Variants in FBXW8 observed in about 807,000 individuals in gnomAD.
The protein encoded by FBXW8 is F-box/WD repeat-containing protein 8.
Under a neutral mutation model 65.3 loss-of-function variants are expected in FBXW8, and 57 were observed. The ratio of observed to expected loss-of-function variants is 0.87; its 90% CI spans 0.71 to 1.09. The LOEUF (loss-of-function observed/expected upper bound fraction) is 1.09. Among genes scored for constraint, FBXW8 ranks in the 50% least tolerant of loss-of-function variants. The pLI is 0.00. For missense variants in FBXW8, 777 were observed against 814.8 expected (o/e 0.95, Z 0.57); for synonymous variants, 308 against 330.2 (o/e 0.93, Z 0.73).
chr12:116,958,003 A>T (rs1212912259), intron 4 of FBXW8, among the ~76,000 whole-genome samples: 1 of 152,240 alleles, frequency 6.6e-6, no homozygotes, highest in Non-Finnish European at 1.5e-5. Context: ...AATAATGGGA[A>T]GGGCCACAGC....
intron 4 of FBXW8, 140 bp from the exon 5 acceptor site, chr12:116,964,557 C>T (rs992402374): frequency 1.3e-5 from 11 of 825,944 alleles, no homozygotes; most frequent in Non-Finnish European, 5.8e-6. Flanking sequence ...GTTGGAGTCA[C>T]TCATCTAAAC....
At chr12:117,019,427 C>T (rs1381132332) in intron 8 of FBXW8, among the ~76,000 whole-genome samples, 2 of 152,164 alleles carry the variant, frequency 1.3e-5, no homozygotes, top group Non-Finnish European at 2.9e-5. Context: ...AATCGGTTGT[C>T]TTGGCATATT....
chr12:116,926,837 C>G (rs912462017), intron 1 of FBXW8, among the ~76,000 whole-genome samples: 1 of 152,132 alleles, frequency 6.6e-6, no homozygotes, highest in East Asian at 1.9e-4. Flanking sequence ...CTTTTAGCCC[C>G]GAGACTTCTA....
intron 1 of FBXW8, among the ~76,000 whole-genome samples, chr12:116,924,246 A>G (rs537241275): frequency 1.3e-3 from 201 of 152,014 alleles, no homozygotes; most frequent in Middle Eastern, 6.8e-3. Flanking sequence ...TTGGATGGCT[A>G]TGTGCTTCGC....
intron 8 of FBXW8, among the ~76,000 whole-genome samples, chr12:117,020,643 C>T (rs1405716940): frequency 6.6e-6 from 1 of 152,228 alleles, no homozygotes; most frequent in East Asian, 1.9e-4. Flanking sequence ...ACTATACTTT[C>T]ATGCTTTTGT....
chr12:116,935,305 A>C (rs1882076923), intron 2 of FBXW8, among the ~76,000 whole-genome samples: 1 of 152,216 alleles, frequency 6.6e-6, no homozygotes, highest in South Asian at 2.1e-4. Flanking sequence ...GGAAAATGTG[A>C]TTTTATGTCC....
At chr12:116,928,192 G>C (rs899531548) in intron 2 of FBXW8, 65 bp downstream of exon 2, 1 of 961,190 alleles carries the variant, frequency 1.0e-6, no homozygotes. Context: ...AGGACTCTCC[G>C]GGGTAATAGA....
chr12:117,022,953 A>G (rs1460412610), intron 8 of FBXW8, among the ~76,000 whole-genome samples: 2 of 152,214 alleles, frequency 1.3e-5, no homozygotes, highest in African/African-American at 4.8e-5. Context: ...CAGCAGACAC[A>G]CCAGGTCCCA....
At position 117,010,342 on chromosome 12, in the gene FBXW8, AAGC is replaced by A; in HGVS notation, c.1262_1264del (p.Ala421del). On this transcript the variant is annotated inframe_deletion, in exon 8 of 11. Coordinates refer to ENST00000652555, the MANE Select transcript of FBXW8 (RefSeq NM_153348.3). ...TCTCAGATCCTGGTGTATAGCCTGG[AAGC>A]AGGACGCCGCCTCTTGAAGCTGGGT... 1 of 1,614,166 alleles carries A rather than the reference AAGC, an allele frequency of 6.2e-7. No homozygotes were observed. Among genetic ancestry groups the A allele is most frequent in the Admixed American group, 1.7e-5 (1 of 60,026 alleles).
intron 9 of FBXW8, among the ~76,000 whole-genome samples, chr12:117,024,731 C>T (rs753082491): frequency 7.2e-5 from 11 of 152,156 alleles, no homozygotes; most frequent in Non-Finnish European, 1.0e-4. Context: ...CACCTGCCCA[C>T]AGGTGGAAGG....
chr12:117,022,405 G>A (rs1040946948), intron 8 of FBXW8, among the ~76,000 whole-genome samples: 4 of 150,240 alleles, frequency 2.7e-5, no homozygotes, highest in Admixed American at 6.6e-5. Context: ...CTGTAATCCC[G>A]GCACTTTAGG....
chr12:117,000,904 C>G (rs149493671), intron 7 of FBXW8, among the ~76,000 whole-genome samples: 1 of 152,212 alleles, frequency 6.6e-6, no homozygotes, highest in Non-Finnish European at 1.5e-5. Context: ...CAAAGTGGCG[C>G]AGGAATGACA....
intron 5 of FBXW8, among the ~76,000 whole-genome samples, chr12:116,969,680 C>T (rs1374240565): frequency 6.6e-6 from 1 of 151,110 alleles, no homozygotes; most frequent in Non-Finnish European, 1.5e-5. Context: ...GGCTCTGTAG[C>T]CATTGAAACG....
At chr12:117,013,886 C>G (rs1953885175) in intron 8 of FBXW8, among the ~76,000 whole-genome samples, 1 of 151,112 alleles carries the variant, frequency 6.6e-6, no homozygotes, top group African/African-American at 2.4e-5. Context: ...GAAAAGTCTG[C>G]AGGAAGTAAT....
In FBXW8 at chr12:117,028,402, T is replaced by TCC. The variant is rs989017051; in HGVS notation, c.*231_*232dup. 8 of 572,272 alleles carry TCC rather than the reference T, an allele frequency of 1.4e-5. No homozygotes were observed. Among genetic ancestry groups the TCC allele is most frequent in the African/African-American group, 1.3e-4 (7 of 53,100 alleles). 35.4% of individuals were successfully genotyped at this position (572,272 alleles called of 1,614,324 possible). A position where few individuals can be genotyped will look rare whatever the true frequency, so the allele number is the denominator to read the frequency against. On this transcript the variant is annotated 3_prime_UTR_variant, in exon 11 of 11. Transcript: ENST00000652555. This position sits in a 1 kb window ranked among gnomAD's most constrained non-coding sequence, Gnocchi z 4.1. ...ACGTGCTGCCAACTCAAACATAGCCTCCTTCCCCACCCAGCTGGCCACCCT... is the reference window on the plus strand; with the variant it reads ...ACGTGCTGCCAACTCAAACATAGCCTCCCCTTCCCCACCCAGCTGGCCACCCT...
intron 2 of FBXW8, among the ~76,000 whole-genome samples, chr12:116,934,128 C>A (rs1881979788): frequency 6.6e-6 from 1 of 152,180 alleles, no homozygotes; most frequent in Non-Finnish European, 1.5e-5. Context: ...TCCCACAAAC[C>A]ATGCCGGAGA....
At chr12:117,006,258 A>T (rs987939878) in intron 7 of FBXW8, among the ~76,000 whole-genome samples, 2 of 152,210 alleles carry the variant, frequency 1.3e-5, no homozygotes, top group African/African-American at 2.4e-5. Flanking sequence ...TGAGAGGGTA[A>T]GGCTCTATCA....
chr12:117,024,824 C>CTGTT (rs1954188025), intron 9 of FBXW8, among the ~76,000 whole-genome samples: 1 of 152,170 alleles, frequency 6.6e-6, no homozygotes, highest in African/African-American at 2.4e-5. Flanking sequence ...TTTCCTCATG[C>CTGTT]TGTTTACAGA....
chr12:117,018,107 G>T (rs1954002829), intron 8 of FBXW8, among the ~76,000 whole-genome samples: 1 of 152,108 alleles, frequency 6.6e-6, no homozygotes. Flanking sequence ...CCCATCAGAT[G>T]GATGCTCCTC....
Sources: allele counts gnomAD v4.1 joint callset (sites outside exome capture counted in the v4.1 genomes callset), GRCh38; gene constraint gnomAD v4.1.1; non-coding constraint Gnocchi (gnomAD v3.1); transcripts MANE v1.5; gene names NCBI Gene and HGNC (gene_info 2026-07-23, HGNC 2026-07-21).